The following ANP32B variants were observed in gnomAD, a reference collection of about 807,000 sequenced individuals.
The protein encoded by ANP32B is acidic leucine-rich nuclear phosphoprotein 32 family member B.
In ANP32B, 6 loss-of-function variants were observed where a neutral mutation model predicts 32.2. The observed-to-expected ratio is 0.19, with a 90% confidence interval of 0.10 to 0.37. The LOEUF (loss-of-function observed/expected upper bound fraction) is 0.37. Ranked by LOEUF, ANP32B falls within the 10% of genes least tolerant of loss-of-function variation. ANP32B has a pLI of 1.00. For missense variants in ANP32B, 204 were observed against 289.2 expected (o/e 0.71, Z 2.14); for synonymous variants, 98 against 105.8 (o/e 0.93, Z 0.45).
At chr9:98,001,342 C>T (rs1827988784) in intron 3 of ANP32B, among the ~76,000 whole-genome samples, 1 of 152,088 alleles carries the variant, frequency 6.6e-6, no homozygotes, top group South Asian at 2.1e-4. Context: ...CAGGCACCTG[C>T]CACCATGCCT....
At chr9:98,011,944 C>A (rs1291831033) in intron 5 of ANP32B, among the ~76,000 whole-genome samples, 1 of 152,016 alleles carries the variant, frequency 6.6e-6, no homozygotes, top group Non-Finnish European at 1.5e-5. Context: ...TGACTTTGAC[C>A]CTCAAAGAGG....
intron 3 of ANP32B, among the ~76,000 whole-genome samples, chr9:98,002,604 T>C (rs1828012173): frequency 6.6e-6 from 1 of 152,202 alleles, no homozygotes; most frequent in African/African-American, 2.4e-5. Flanking sequence ...ACTACAGTTA[T>C]TTGGGATTTT....
At chr9:98,010,742 T>C (rs1828169204) in intron 4 of ANP32B, among the ~76,000 whole-genome samples, 1 of 152,136 alleles carries the variant, frequency 6.6e-6, no homozygotes, top group Admixed American at 6.5e-5. Context: ...CTCAGCCTCC[T>C]GTCCCCTGAG....
intron 3 of ANP32B, among the ~76,000 whole-genome samples, chr9:98,000,941 T>A (rs1011048624): frequency 2.0e-5 from 3 of 149,006 alleles, no homozygotes; most frequent in African/African-American, 7.4e-5. Flanking sequence ...AAAAAAAAAA[T>A]TCGAAGTCTG....
chr9:97,997,667 G>A (rs2131585267), intron 2 of ANP32B, among the ~76,000 whole-genome samples: 1 of 152,286 alleles, frequency 6.6e-6, no homozygotes, highest in African/African-American at 2.4e-5. Flanking sequence ...AGCAGTGCCT[G>A]GCATTTAAAT....
intron 1 of ANP32B, among the ~76,000 whole-genome samples, chr9:97,991,572 G>A (rs775870398): frequency 3.3e-5 from 5 of 152,108 alleles, no homozygotes; most frequent in Admixed American, 6.5e-5. Context: ...CAGAATTTCC[G>A]TAATCGAGAG....
chr9:98,014,617 T>A (rs1828244036), intron 6 of ANP32B, among the ~76,000 whole-genome samples: 1 of 152,222 alleles, frequency 6.6e-6, no homozygotes, highest in Non-Finnish European at 1.5e-5. Context: ...TGTGTGTTAT[T>A]TAATTCTCAG....
At chr9:97,990,628 C>A (rs1274306192) in intron 1 of ANP32B, among the ~76,000 whole-genome samples, 1 of 152,114 alleles carries the variant, frequency 6.6e-6, no homozygotes, top group Non-Finnish European at 1.5e-5. Flanking sequence ...TATCTTATTG[C>A]CTCTTACTGG....
At chr9:97,986,976 C>T (rs1265645874) in intron 1 of ANP32B, among the ~76,000 whole-genome samples, 1 of 151,820 alleles carries the variant, frequency 6.6e-6, no homozygotes, top group Non-Finnish European at 1.5e-5. Flanking sequence ...TTTTTAATTA[C>T]TGGGGTTTGA....
At chr9:97,997,188 A>T (rs747454653) in intron 2 of ANP32B, among the ~76,000 whole-genome samples, 23 of 152,230 alleles carry the variant, frequency 1.5e-4, no homozygotes, top group Non-Finnish European at 2.8e-4. Flanking sequence ...ATCACCAATA[A>T]AGCTAACACT....
rs1487283337 is a variant in ANP32B at position 97,999,098 on chromosome 9, C to T, written c.327+420C>T. Among the ~76,000 whole-genome samples, 9 of 24,676 alleles carry T rather than the reference C, an allele frequency of 3.6e-4. 2 individuals are homozygous for T. Among genetic ancestry groups the T allele is most frequent in the Admixed American group, 2.4e-3 (9 of 3,688 alleles). 16.2% of individuals were successfully genotyped at this position (24,676 alleles called of 152,430 possible). A position where few individuals can be genotyped will look rare whatever the true frequency, so the allele number is the denominator to read the frequency against. On this transcript the variant is annotated intron_variant, in intron 3 of 6. Transcript: ENST00000339399. ...CTGGGATTACAGGCGTGAGCCACCG[C>T]GCCCGGCCGAAAGTGGTGGCTTTTT...
intron 1 of ANP32B, among the ~76,000 whole-genome samples, chr9:97,984,844 G>C (rs1175079213): frequency 6.7e-6 from 1 of 150,228 alleles, no homozygotes; most frequent in South Asian, 2.1e-4. Flanking sequence ...GCCCCGCGCC[G>C]GGCGCGCGGG....
chr9:98,003,128 A>G (rs919571844), intron 3 of ANP32B, among the ~76,000 whole-genome samples: 1 of 152,218 alleles, frequency 6.6e-6, no homozygotes, highest in Non-Finnish European at 1.5e-5. Context: ...AAGCAGCTCT[A>G]TGACCAGAAG....
chr9:97,991,536 T>A (rs904626563), intron 1 of ANP32B, among the ~76,000 whole-genome samples: 1 of 152,152 alleles, frequency 6.6e-6, no homozygotes, highest in African/African-American at 2.4e-5. Context: ...GAAGATATCC[T>A]CAAGAACAAG....
Position 98,015,571 on chromosome 9 carries a change from G to T in ANP32B, c.*140G>T. ...CACCCACCCAAAGAGCCAAAGAATA[G>T]TTCCTGTGACATTCCGCCTTCCTTC... On this transcript the variant is annotated 3_prime_UTR_variant, in exon 7 of 7. Transcript: ENST00000339399. 1.4e-6 allele frequency: 2 copies of T among 1,387,352 alleles called. No individual in the cohort carries two copies. The highest frequency in any genetic ancestry group is 1.9e-6 in the Non-Finnish European group (2 of 1,066,440). 85.9% of individuals were successfully genotyped at this position (1,387,352 alleles called of 1,614,324 possible). A position where few individuals can be genotyped will look rare whatever the true frequency, so the allele number is the denominator to read the frequency against.
intron 2 of ANP32B, among the ~76,000 whole-genome samples, chr9:97,997,150 ATC>A (rs911080042): frequency 4.6e-5 from 7 of 152,164 alleles, no homozygotes; most frequent in South Asian, 2.1e-4. Flanking sequence ...AAGAAAAGTT[ATC>A]TCTGTTTTTA....
chr9:97,996,097 A>G (rs961472785), intron 2 of ANP32B, among the ~76,000 whole-genome samples: 4 of 152,078 alleles, frequency 2.6e-5, no homozygotes, highest in African/African-American at 9.7e-5. Context: ...TTCTAAGTAT[A>G]CTAGAGGTTC....
At chr9:97,985,304 CTT>C (rs1827705303) in intron 1 of ANP32B, among the ~76,000 whole-genome samples, 1 of 152,118 alleles carries the variant, frequency 6.6e-6, no homozygotes, top group Non-Finnish European at 1.5e-5. Context: ...GCTCTCTAGT[CTT>C]TGAGGTCACC....
intron 1 of ANP32B, among the ~76,000 whole-genome samples, chr9:97,993,801 A>G (rs1467708967): frequency 6.6e-6 from 1 of 152,010 alleles, no homozygotes; most frequent in Admixed American, 6.6e-5. Flanking sequence ...TTGCCTGGCT[A>G]ATTTTTGTAT....
Sources: gnomAD v4.1 joint callset for allele counts (sites outside exome capture counted in the v4.1 genomes callset) on GRCh38, gnomAD v4.1.1 for gene constraint, MANE v1.5 for transcripts, NCBI Gene and HGNC (gene_info 2026-07-23, HGNC 2026-07-21) for gene names.